The following ANGPTL2 variants were observed in gnomAD, a reference collection of about 807,000 sequenced individuals.
ANGPTL2 encodes angiopoietin like 2.
In ANGPTL2, 25 loss-of-function variants were observed where a neutral mutation model predicts 52.8. That is an observed-to-expected ratio of 0.47 (90% CI 0.35 to 0.66). The LOEUF (loss-of-function observed/expected upper bound fraction) is 0.66, where lower values mean the gene tolerates loss of function less well. Among genes scored for constraint, ANGPTL2 ranks in the 30% least tolerant of loss-of-function variants. The probability of loss-of-function intolerance (pLI) is 0.01; values close to 1 mark genes in which losing one functional copy is unlikely to be tolerated. For synonymous variants in ANGPTL2, 276 were observed against 277.4 expected, an observed-to-expected ratio of 1.00 and a Z score of 0.05; for missense variants, 546 against 656.9, an observed-to-expected ratio of 0.83 and a Z score of 1.84.
intron 2 of ANGPTL2, among the ~76,000 whole-genome samples, chr9:127,099,520 C>T (rs1327149149): frequency 6.6e-6 from 1 of 152,154 alleles, no homozygotes; most frequent in African/African-American, 2.4e-5. Context: ...AGAGTCCCAC[C>T]CAGGCCAGCA....
At chr9:127,095,123 G>C (rs1281160) in intron 2 of ANGPTL2, among the ~76,000 whole-genome samples, 1 of 152,222 alleles carries the variant, frequency 6.6e-6, no homozygotes, top group Non-Finnish European at 1.5e-5. Context: ...ATAGGGCCGG[G>C]CACGGTGGCT....
At chr9:127,111,599 A>G (rs2054821851) in intron 1 of ANGPTL2, among the ~76,000 whole-genome samples, 1 of 152,226 alleles carries the variant, frequency 6.6e-6, no homozygotes, top group South Asian at 2.1e-4. Flanking sequence ...AGGAGGGCCT[A>G]TGTGTGTATT....
rs754666449 is a variant in ANGPTL2, at chr9:127,089,050, A to G, written c.1371T>C (p.His457=). Residue 457 remains histidine, a synonymous_variant, in exon 5 of 5, where the codon CAT becomes CAC. Transcript: ENST00000373425. ...CTCCGTCCTGGTAGCGGCTCCGGTA[A>G]TGGCCCCCGCGGTACCAGACCCCGT... The part of the protein sequence containing the change: ...NLNGVWYRGG[H]YRSRYQDGVY... 1.4e-5 allele frequency: 22 copies of G among 1,614,034 alleles called. No homozygotes were observed. The highest frequency in any genetic ancestry group is 1.8e-5 in the Non-Finnish European group (21 of 1,180,028).
chr9:127,097,779 C>G (rs1445545327), intron 2 of ANGPTL2, among the ~76,000 whole-genome samples: 1 of 152,204 alleles, frequency 6.6e-6, no homozygotes, highest in African/African-American at 2.4e-5. Context: ...GGAGGAAGAC[C>G]TGGCTGAGGA....
At chr9:127,112,621 T>A (rs528943636) in intron 1 of ANGPTL2, among the ~76,000 whole-genome samples, 1 of 152,362 alleles carries the variant, frequency 6.6e-6, no homozygotes, top group South Asian at 2.1e-4. Context: ...GCCATTGCAC[T>A]TGAGACCTCA....
intron 2 of ANGPTL2, among the ~76,000 whole-genome samples, chr9:127,103,701 T>G (rs1221806978): frequency 6.6e-6 from 1 of 152,174 alleles, no homozygotes; most frequent in Admixed American, 6.5e-5. Flanking sequence ...TGGAACCATG[T>G]TCTAATAACA....
intron 1 of ANGPTL2, among the ~76,000 whole-genome samples, chr9:127,109,694 G>A (rs1223160193): frequency 2.0e-5 from 3 of 152,248 alleles, no homozygotes; most frequent in Non-Finnish European, 4.4e-5. Context: ...TGGACAGCAT[G>A]CTAGTGGCTA....
At chr9:127,089,380 T>C (rs1437680762) in intron 4 of ANGPTL2, among the ~76,000 whole-genome samples, 2 of 152,176 alleles carry the variant, frequency 1.3e-5, no homozygotes, top group African/African-American at 2.4e-5. Context: ...AGCCACTGTA[T>C]CCTCATCTGT....
chr9:127,108,464 C>G lies in ANGPTL2; in HGVS notation c.268G>C (p.Glu90Gln), dbSNP rs1032985271. 6.2e-7 allele frequency: 1 copy of G among 1,612,012 alleles called. No individual in the cohort carries two copies. Among genetic ancestry groups the G allele is most frequent in the Non-Finnish European group, 8.5e-7 (1 of 1,179,582 alleles). ...TTGAGCAGCTCATTGTTGAGCAGCT[C>G]TAGCTCCTGCTTATGCACTCGGTTC... ...LENRVHKQEL[E>Q]LLNNELLKQK... Residue 90 changes from glutamate (E) to glutamine (Q), a missense_variant, in exon 2 of 5, where the codon GAG (glutamate) becomes CAG (glutamine). By Grantham distance (29) the Glu-to-Gln change is conservative (BLOSUM62 2). Around this residue, in one of 2 missense-constraint regions of ANGPTL2, gnomAD observed 285 missense variants for 295.8 expected, o/e 0.96. Transcript: ENST00000373425.
intron 1 of ANGPTL2, among the ~76,000 whole-genome samples, chr9:127,113,458 CTT>C (rs1240959533): frequency 1.1e-4 from 16 of 151,726 alleles, no homozygotes; most frequent in Non-Finnish European, 2.2e-4. Flanking sequence ...CTTTTGCTCT[CTT>C]GATATTTATT....
chr9:127,117,303 C>T (rs1169150329), intron 1 of ANGPTL2, among the ~76,000 whole-genome samples: 2 of 152,214 alleles, frequency 1.3e-5, no homozygotes, highest in Non-Finnish European at 2.9e-5. Flanking sequence ...CTCCTGACTA[C>T]AGCTTCTTTA....
intron 1 of ANGPTL2, among the ~76,000 whole-genome samples, chr9:127,121,782 G>T (rs986660703): frequency 6.6e-6 from 1 of 152,300 alleles, no homozygotes; most frequent in African/African-American, 2.4e-5. Context: ...CTCCTCGCCA[G>T]CTGGAGGGTG....
chr9:127,118,170 A>T (rs1174790109), intron 1 of ANGPTL2, among the ~76,000 whole-genome samples: 1 of 152,176 alleles, frequency 6.6e-6, no homozygotes, highest in Non-Finnish European at 1.5e-5. Flanking sequence ...TTCTCCTGCC[A>T]CACCCAACAT....
intron 1 of ANGPTL2, among the ~76,000 whole-genome samples, chr9:127,119,798 A>G (rs2055854222): frequency 6.6e-6 from 1 of 152,138 alleles, no homozygotes; most frequent in African/African-American, 2.4e-5. Context: ...CATTAGTAGT[A>G]AGTAGTCCCA....
At chr9:127,113,378 A>G (rs1364400770) in intron 1 of ANGPTL2, among the ~76,000 whole-genome samples, 3 of 151,488 alleles carry the variant, frequency 2.0e-5, no homozygotes, top group African/African-American at 7.3e-5. Flanking sequence ...TCCAACCCCA[A>G]TTCCTCCCCT....
In ANGPTL2 at chr9:127,108,449, CATT is replaced by C. The variant is rs780218391; in HGVS notation, c.280_282del (p.Asn94del). On this transcript the variant is annotated inframe_deletion, in exon 2 of 5. Coordinates refer to ENST00000373425, the MANE Select transcript of ANGPTL2 (RefSeq NM_012098.3). ...ATCTGCCGCTTCTGCTTGAGCAGCT[CATT>C]GTTGAGCAGCTCTAGCTCCTGCTTA... 2 of 1,611,012 alleles carry C rather than the reference CATT, an allele frequency of 1.2e-6. No homozygotes were observed. The highest frequency in any genetic ancestry group is 1.7e-6 in the Non-Finnish European group (2 of 1,179,464).
intron 1 of ANGPTL2, among the ~76,000 whole-genome samples, chr9:127,116,123 T>G (rs1374210140): frequency 6.6e-6 from 1 of 152,154 alleles, no homozygotes; most frequent in Non-Finnish European, 1.5e-5. Context: ...CATTGTGCAT[T>G]GCTACTACCT....
intron 2 of ANGPTL2, 24 bp downstream of exon 2, chr9:127,107,891 T>C (rs2054373931): frequency 1.3e-6 from 2 of 1,516,590 alleles, no homozygotes; most frequent in East Asian, 4.6e-5. Flanking sequence ...GACCCACATG[T>C]AACACGATCC....
chr9:127,104,347 C>T (rs981230106), intron 2 of ANGPTL2, among the ~76,000 whole-genome samples: 5 of 152,156 alleles, frequency 3.3e-5, no homozygotes, highest in Non-Finnish European at 7.4e-5. Flanking sequence ...CCTTGGGTGG[C>T]CTGAGAAACA....
Sources: allele counts gnomAD v4.1 joint callset (sites outside exome capture counted in the v4.1 genomes callset), GRCh38; gene constraint gnomAD v4.1.1; regional missense constraint gnomAD v4.1.1; transcripts MANE v1.5; gene names NCBI Gene and HGNC (gene_info 2026-07-23, HGNC 2026-07-21).